Variants in NREP observed in about 807,000 individuals in gnomAD.
NREP encodes neuronal regeneration-related protein.
Under a neutral mutation model 8.6 loss-of-function variants are expected in NREP, and 5 were observed. The observed-to-expected ratio is 0.58, with a 90% CI of 0.30 to 1.22. NREP has a LOEUF of 1.22. Ranked by LOEUF, NREP falls within the 50% of genes most tolerant of loss-of-function variation. The pLI, the probability that NREP is intolerant of heterozygous loss-of-function variation, is 0.07. For missense variants in NREP, 86 were observed against 82.5 expected (o/e 1.04, Z -0.17); for synonymous variants, 27 against 28.0 (o/e 0.96, Z 0.11).
At chr5:111,876,352 C>A (rs1269659361) in intron 2 of NREP, among the ~76,000 whole-genome samples, 1 of 152,208 alleles carries the variant, frequency 6.6e-6, no homozygotes, top group Non-Finnish European at 1.5e-5. Context: ...CCTTCTACCT[C>A]CTGTATCACT....
At chr5:111,812,016 A>G (rs1312687597) in intron 2 of NREP, among the ~76,000 whole-genome samples, 1 of 152,176 alleles carries the variant, frequency 6.6e-6, no homozygotes, top group Non-Finnish European at 1.5e-5. Flanking sequence ...GGCTGGGCAT[A>G]GTGGTTCACG....
At chr5:111,740,732 T>G (rs1264652068) in intron 2 of NREP, among the ~76,000 whole-genome samples, 3 of 152,174 alleles carry the variant, frequency 2.0e-5, no homozygotes, top group African/African-American at 7.2e-5. Flanking sequence ...ATTTCAAAAT[T>G]TGCTATTTAT....
At chr5:111,766,479 C>T (rs747875139) in intron 2 of NREP, among the ~76,000 whole-genome samples, 2 of 152,180 alleles carry the variant, frequency 1.3e-5, no homozygotes, top group African/African-American at 2.4e-5. Context: ...TGCTATTCAT[C>T]AGAGAAAAAT....
intron 2 of NREP, among the ~76,000 whole-genome samples, chr5:111,823,355 C>T (rs923402588): frequency 1.3e-5 from 2 of 152,166 alleles, no homozygotes; most frequent in Non-Finnish European, 2.9e-5. Context: ...CAAACTACAG[C>T]ACCATACATG....
chr5:111,839,573 T>C (rs765033976), intron 2 of NREP, among the ~76,000 whole-genome samples: 1 of 152,108 alleles, frequency 6.6e-6, no homozygotes, highest in Non-Finnish European at 1.5e-5. Flanking sequence ...TTCCTGTCAT[T>C]AAATTATAAT....
intron 2 of NREP, among the ~76,000 whole-genome samples, chr5:111,886,721 A>G (rs1264356236): frequency 2.0e-5 from 3 of 151,144 alleles, no homozygotes; most frequent in East Asian, 1.9e-4. Context: ...CTATCGCAAG[A>G]ACAAAAAACC....
chr5:111,740,289 T>C (rs1166807905), intron 2 of NREP, among the ~76,000 whole-genome samples: 1 of 152,194 alleles, frequency 6.6e-6, no homozygotes, highest in Non-Finnish European at 1.5e-5. Flanking sequence ...AATTTTATGC[T>C]TTTGGGTATA....
chr5:111,887,339 G>A (rs576421584), intron 2 of NREP, among the ~76,000 whole-genome samples: 200 of 152,300 alleles, frequency 1.3e-3, no homozygotes, highest in African/African-American at 4.5e-3. Context: ...TGAAGACGGA[G>A]GTTGGGTAAG....
At chr5:111,808,343 C>A (rs1752191686) in intron 2 of NREP, among the ~76,000 whole-genome samples, 1 of 152,176 alleles carries the variant, frequency 6.6e-6, no homozygotes, top group Non-Finnish European at 1.5e-5. Flanking sequence ...CTGCTTCCAG[C>A]AGAATGCTGA....
At chr5:111,908,986 G>A (rs1188156670) in intron 2 of NREP, among the ~76,000 whole-genome samples, 4 of 151,930 alleles carry the variant, frequency 2.6e-5, no homozygotes, top group Non-Finnish European at 5.9e-5. Context: ...TCGTGATGTT[G>A]AGCATTTTTC....
intron 2 of NREP, among the ~76,000 whole-genome samples, chr5:111,902,833 T>C (rs1355011287): frequency 6.6e-6 from 1 of 152,106 alleles, no homozygotes; most frequent in Admixed American, 6.6e-5. Context: ...GAGTCCTGCT[T>C]TGGCTTCTGA....
intron 2 of NREP, among the ~76,000 whole-genome samples, chr5:111,768,709 C>T (rs1361827640): frequency 6.6e-6 from 1 of 152,116 alleles, no homozygotes; most frequent in Non-Finnish European, 1.5e-5. Context: ...TTTTTTATGG[C>T]TGTGTAGTAT....
chr5:111,955,900 G>GAA (rs71867801), intron 2 of NREP, among the ~76,000 whole-genome samples: 6 of 105,856 alleles, frequency 5.7e-5, no homozygotes, highest in African/African-American at 1.3e-4. Flanking sequence ...TTCCTGTAGT[G>GAA]AAAAAAAAAA....
upstream of NREP, among the ~76,000 whole-genome samples, chr5:111,761,621 G>C (rs1009159291): frequency 6.6e-6 from 1 of 152,176 alleles, no homozygotes; most frequent in African/African-American, 2.4e-5. Flanking sequence ...TGAAGGAACA[G>C]ATCGCAGGAT....
intron 2 of NREP, among the ~76,000 whole-genome samples, chr5:111,822,549 T>A (rs1262986801): frequency 6.6e-6 from 1 of 152,212 alleles, no homozygotes; most frequent in Non-Finnish European, 1.5e-5. Context: ...GAAACACAGC[T>A]TCATCTCTGT....
chr5:111,966,793 C>T (rs1250638327), intron 2 of NREP, among the ~76,000 whole-genome samples: 1 of 152,158 alleles, frequency 6.6e-6, no homozygotes, highest in Non-Finnish European at 1.5e-5. Context: ...AAAAAGCTTG[C>T]TGTCCTCTTT....
intron 2 of NREP, among the ~76,000 whole-genome samples, chr5:111,940,731 T>G (rs1755806444): frequency 6.6e-6 from 1 of 152,004 alleles, no homozygotes; most frequent in Non-Finnish European, 1.5e-5. Context: ...AATGCAAGTT[T>G]GGAGTTGCCC....
chr5:111,819,436 A>G (rs1752467623), intron 2 of NREP, among the ~76,000 whole-genome samples: 1 of 152,170 alleles, frequency 6.6e-6, no homozygotes, highest in South Asian at 2.1e-4. Flanking sequence ...TGTTCCCGCC[A>G]TTACTCCATC....
rs182581028 is a variant in NREP, at chr5:111,742,512, T to G, written c.4-7005A>C. ...TCTGTTCCACAATGTAATATTCTGC[T>G]TGTTTGGCTGCTGAGTGTTTTAAAA... On this transcript the variant is annotated intron_variant, in intron 2 of 3. Coordinates refer to ENST00000257435, the MANE Select transcript of NREP (RefSeq NM_004772.4). 1.7e-3 allele frequency among the ~76,000 whole-genome samples: 252 copies of G among 152,236 alleles called. 2 individuals are homozygous for G. Among genetic ancestry groups the G allele is most frequent in the African/African-American group, 5.9e-3 (246 of 41,548 alleles).
Sources: allele counts gnomAD v4.1 joint callset (sites outside exome capture counted in the v4.1 genomes callset), GRCh38; gene constraint gnomAD v4.1.1; transcripts MANE v1.5; gene names NCBI Gene and HGNC (gene_info 2026-07-23, HGNC 2026-07-21).